FHIT: variants seen among roughly 807,000 people sequenced by gnomAD.
FHIT encodes bis(5'-adenosyl)-triphosphatase.
In FHIT, 19 loss-of-function variants were observed where a neutral mutation model predicts 17.9. The observed-to-expected ratio is 1.06, with a 90% confidence interval of 0.74 to 1.56. The LOEUF (loss-of-function observed/expected upper bound fraction) is 1.56, where lower values mean the gene tolerates loss of function less well. Among genes scored for constraint, FHIT ranks in the 40% most tolerant of loss-of-function variants. FHIT has a pLI of 0.00. For synonymous variants in FHIT, 81 were observed against 69.7 expected, an observed-to-expected ratio of 1.16 and a Z score of -0.81; for missense variants, 248 against 189.2, an observed-to-expected ratio of 1.31 and a Z score of -1.82.
At chr3:60,805,990 A>T (rs1002822948) in intron 4 of FHIT, among the ~76,000 whole-genome samples, 8 of 152,368 alleles carry the variant, frequency 5.3e-5, no homozygotes, top group African/African-American at 1.9e-4. Context: ...TACATATAGA[A>T]GCATGAATAT....
intron 4 of FHIT, among the ~76,000 whole-genome samples, chr3:60,679,394 T>C (rs1553696220): frequency 1.3e-5 from 2 of 152,202 alleles, no homozygotes; most frequent in Non-Finnish European, 2.9e-5. Context: ...AAAAATCACA[T>C]ATTATTCTAT....
At chr3:60,369,680 G>T (rs559178119) in intron 5 of FHIT, among the ~76,000 whole-genome samples, 84 of 152,112 alleles carry the variant, frequency 5.5e-4, no homozygotes, top group African/African-American at 2.0e-3. Context: ...TCCTTCTATA[G>T]CCCCAACTGA....
intron 5 of FHIT, among the ~76,000 whole-genome samples, chr3:60,072,600 C>A (rs996750821): frequency 8.5e-5 from 13 of 152,120 alleles, no homozygotes; most frequent in Non-Finnish European, 1.8e-4. Flanking sequence ...TTATTGTTCC[C>A]ATTCTATAGA....
intron 8 of FHIT, among the ~76,000 whole-genome samples, chr3:59,861,343 G>A (rs898249654): frequency 2.4e-4 from 37 of 152,156 alleles, no homozygotes; most frequent in African/African-American, 8.0e-4. Context: ...GTGCCCTAAT[G>A]TCATTCTCTG....
At chr3:60,708,562 G>T (rs1251365090) in intron 4 of FHIT, among the ~76,000 whole-genome samples, 3 of 152,164 alleles carry the variant, frequency 2.0e-5, no homozygotes, top group Non-Finnish European at 4.4e-5. Context: ...ACCCTATCCT[G>T]TAATTGGCAA....
intron 4 of FHIT, among the ~76,000 whole-genome samples, chr3:60,590,674 A>G (rs922455690): frequency 1.2e-4 from 18 of 152,132 alleles, no homozygotes; most frequent in African/African-American, 3.9e-4. Context: ...ATCTTATTCC[A>G]TTAGTAAAAT....
At chr3:60,469,912 G>C (rs1269121002) in intron 5 of FHIT, among the ~76,000 whole-genome samples, 1 of 152,098 alleles carries the variant, frequency 6.6e-6, no homozygotes, top group Non-Finnish European at 1.5e-5. Flanking sequence ...GGCTTGTACA[G>C]ATACCACCGT....
At chr3:60,877,569 C>A (rs1704726712) in intron 3 of FHIT, among the ~76,000 whole-genome samples, 1 of 152,092 alleles carries the variant, frequency 6.6e-6, no homozygotes, top group Non-Finnish European at 1.5e-5. Context: ...ACCCTGTATC[C>A]CAGGTAAATG....
At chr3:61,128,483 A>C (rs9311796) in intron 2 of FHIT, among the ~76,000 whole-genome samples, 20,812 of 152,094 alleles carry the variant, frequency 0.14, 1,597 homozygotes, top group African/African-American at 0.21. Context: ...ATTACAATAT[A>C]GGCGACAACA....
intron 8 of FHIT, among the ~76,000 whole-genome samples, chr3:59,758,517 T>A (rs912110992): frequency 7.2e-5 from 11 of 152,144 alleles, no homozygotes; most frequent in African/African-American, 2.4e-4. Context: ...AGAAACTTAT[T>A]CCCTTTTCAG....
rs1189100387 is a variant in FHIT, at chr3:60,226,472, C to CAAAAA, written c.104-212325_104-212321dup. On this transcript the variant is annotated intron_variant, in intron 5 of 9. Coordinates refer to ENST00000492590, the MANE Select transcript of FHIT (RefSeq NM_002012.4). ...GGGCAACAAGAGTGAAACTCCGTCT[C>CAAAAA]AAAAAAAAAAAAAAAAAAAAAACAC... Among the ~76,000 whole-genome samples the CAAAAA allele has an allele frequency of 1.2e-3, 81 of 70,126 alleles. 6 individuals are homozygous for CAAAAA. Among genetic ancestry groups the CAAAAA allele is most frequent in the Middle Eastern group, 0.018 (2 of 112 alleles). The allele number at this position is 70,126 out of a possible 152,430, so 46.0% of individuals were successfully genotyped here. A position where few individuals can be genotyped will look rare whatever the true frequency, so the allele number is the denominator to read the frequency against.
At chr3:60,704,802 T>C (rs2041333199) in intron 4 of FHIT, among the ~76,000 whole-genome samples, 1 of 152,198 alleles carries the variant, frequency 6.6e-6, no homozygotes, top group South Asian at 2.1e-4. Flanking sequence ...AAAATAATGT[T>C]GTTAAAACTT....
intron 2 of FHIT, among the ~76,000 whole-genome samples, chr3:61,100,325 C>T (rs962259819): frequency 6.6e-6 from 1 of 152,118 alleles, no homozygotes; most frequent in Non-Finnish European, 1.5e-5. Flanking sequence ...GTTTTCTGTC[C>T]TTGTAATAGT....
At chr3:60,524,159 T>C (rs1031001156) in intron 5 of FHIT, among the ~76,000 whole-genome samples, 1 of 149,340 alleles carries the variant, frequency 6.7e-6, no homozygotes, top group Non-Finnish European at 1.5e-5. Context: ...CTGAGAATCA[T>C]CCCTGCCCTC....
At chr3:60,179,734 A>G (rs980220303) in intron 5 of FHIT, among the ~76,000 whole-genome samples, 2 of 152,202 alleles carry the variant, frequency 1.3e-5, no homozygotes, top group Non-Finnish European at 2.9e-5. Flanking sequence ...AAGGTCATGA[A>G]AACAGGCATC....
chr3:60,004,259 A>C (rs187908924), intron 7 of FHIT, among the ~76,000 whole-genome samples: 7 of 152,268 alleles, frequency 4.6e-5, no homozygotes, highest in Admixed American at 3.9e-4. Flanking sequence ...AGTTTACTGA[A>C]TCCTATAAAA....
At chr3:60,441,740 AT>A (rs2030840409) in intron 5 of FHIT, among the ~76,000 whole-genome samples, 1 of 94,236 alleles carries the variant, frequency 1.1e-5, no homozygotes, top group Non-Finnish European at 2.0e-5. Flanking sequence ...TTATATATAT[AT>A]ATTTATATAT....
chr3:60,489,110 T>G (rs1378869596), intron 5 of FHIT, among the ~76,000 whole-genome samples: 1 of 152,156 alleles, frequency 6.6e-6, no homozygotes, highest in African/African-American at 2.4e-5. Context: ...ATAAATAGCA[T>G]TCATTAGAAA....
intron 4 of FHIT, among the ~76,000 whole-genome samples, chr3:60,755,089 C>T (rs1171499358): frequency 6.6e-6 from 1 of 152,194 alleles, no homozygotes; most frequent in African/African-American, 2.4e-5. Flanking sequence ...CTCCTCTCAG[C>T]ACTTCTTCAA....
Sources: gnomAD v4.1 joint callset for allele counts (sites outside exome capture counted in the v4.1 genomes callset) on GRCh38, gnomAD v4.1.1 for gene constraint, MANE v1.5 for transcripts, NCBI Gene and HGNC (gene_info 2026-07-23, HGNC 2026-07-21) for gene names.